The following BRIP1 variants were observed in gnomAD, a reference collection of about 807,000 sequenced individuals.
BRIP1 encodes the protein Fanconi anemia group J protein.
In BRIP1, 88 loss-of-function variants were observed where a neutral mutation model predicts 119.7. The ratio of observed to expected loss-of-function variants is 0.74; its 90% CI spans 0.62 to 0.88. The LOEUF is 0.88. Ranked by LOEUF, BRIP1 falls within the 40% of genes least tolerant of loss-of-function variation. BRIP1 has a pLI of 0.00. For synonymous variants in BRIP1, 443 were observed against 496.5 expected, an observed-to-expected ratio of 0.89 and a Z score of 1.43; for missense variants, 1,259 against 1,455.4, an observed-to-expected ratio of 0.87 and a Z score of 2.20.
Position 61,746,089 on chromosome 17 carries a change from T to C in BRIP1, c.2098-1498A>G, listed in dbSNP as rs2077054290. On this transcript the variant is annotated intron_variant, in intron 14 of 19. Transcript: ENST00000259008. The surrounding 1 kb of genome is among the most constrained non-coding windows in gnomAD (Gnocchi z 4.9). ...CAGCAACTGATCAATTTTTATAAGA[T>C]AGTTTATTTCCTCAATTTTACCTTT... Among the ~76,000 whole-genome samples the C allele has an allele frequency of 6.6e-6, 1 of 152,176 alleles. No individual in the cohort carries two copies. The highest frequency in any genetic ancestry group is 1.5e-5 in the Non-Finnish European group (1 of 67,998).
chr17:61,813,375 A>G (rs1052092614), intron 6 of BRIP1, among the ~76,000 whole-genome samples: 51 of 152,164 alleles, frequency 3.4e-4, no homozygotes, highest in African/African-American at 1.1e-3. Context: ...ATTTCTTTAT[A>G]TAGCTCATTC....
In BRIP1 at chr17:61,747,302, G is replaced by A. The variant is rs530331837; in HGVS notation, c.2098-2711C>T. On this transcript the variant is annotated intron_variant, in intron 14 of 19. Coordinates refer to ENST00000259008, the MANE Select transcript of BRIP1 (RefSeq NM_032043.3). ...GAACAAAGTAAATACAAAGTTTGCAGAAGGAAAGAAATATTAAGATTAGAG... is the reference window on the plus strand; with the variant it reads ...GAACAAAGTAAATACAAAGTTTGCAAAAGGAAAGAAATATTAAGATTAGAG... Among the ~76,000 whole-genome samples, 78 of 151,926 alleles carry A rather than the reference G, an allele frequency of 5.1e-4. No individual in the cohort carries two copies. In the South Asian group the frequency reaches 0.016, roughly 30 times the overall value.
At chr17:61,786,137 G>A (rs1473362008) in intron 10 of BRIP1, among the ~76,000 whole-genome samples, 1 of 151,952 alleles carries the variant, frequency 6.6e-6, no homozygotes, top group African/African-American at 2.4e-5. Flanking sequence ...AGTGAAGAGA[G>A]AGAAGAAAGA....
rs570197205 is a variant in BRIP1 at position 61,807,775 on chromosome 17, A to G, written c.918+692T>C. Among the ~76,000 whole-genome samples the G allele has an allele frequency of 4.8e-4, 73 of 152,270 alleles. No individual in the cohort carries two copies. The highest frequency in any genetic ancestry group is 2.9e-3 in the East Asian group (15 of 5,186). ...TTCATACTTGCAACTTCAATTTTAGAGTAAACTAATTATCACACCAGAACA... is the reference window on the plus strand; with the variant it reads ...TTCATACTTGCAACTTCAATTTTAGGGTAAACTAATTATCACACCAGAACA... On this transcript the variant is annotated intron_variant, in intron 7 of 19. Coordinates refer to ENST00000259008, the MANE Select transcript of BRIP1 (RefSeq NM_032043.3). The surrounding 1 kb of genome is among the most constrained non-coding windows in gnomAD (Gnocchi z 4.5).
Position 61,720,709 on chromosome 17 carries a change from T to G in BRIP1, c.2380-4646A>C, listed in dbSNP as rs2061959106. On this transcript the variant is annotated intron_variant, in intron 16 of 19. Transcript: ENST00000259008. This position sits in a 1 kb window ranked among gnomAD's most constrained non-coding sequence, Gnocchi z 4.3. ...AGTTAGTAGTTACTTAGTAGCTGTC[T>G]AGGTCTAATCGAGTGTCATGGTATT... 6.6e-6 allele frequency among the ~76,000 whole-genome samples: 1 copy of G among 152,200 alleles called. No individual in the cohort carries two copies. Among genetic ancestry groups the G allele is most frequent in the African/African-American group, 2.4e-5 (1 of 41,456 alleles).
intron 17 of BRIP1, among the ~76,000 whole-genome samples, chr17:61,707,032 T>A (rs1342633716): frequency 1.1e-5 from 1 of 89,344 alleles, no homozygotes; most frequent in Non-Finnish European, 2.6e-5. Context: ...CCTTTTTAAA[T>A]TTTTTTTTTT....
At position 61,809,732 on chromosome 17, in the gene BRIP1, G is replaced by A. The variant is rs1411660083; in HGVS notation, c.628-975C>T. On this transcript the variant is annotated intron_variant, in intron 6 of 19. Transcript: ENST00000259008. The surrounding 1 kb of genome is among the most constrained non-coding windows in gnomAD (Gnocchi z 5.2). ...AATTTATAGAAGTGGTCATTGATGG[G>A]GAGGGAAAAAAGGTAAATAGCATTG... 6.6e-6 allele frequency among the ~76,000 whole-genome samples: 1 copy of A among 151,990 alleles called. No homozygotes were observed. The highest frequency in any genetic ancestry group is 2.4e-5 in the African/African-American group (1 of 41,404).
intron 6 of BRIP1, among the ~76,000 whole-genome samples, chr17:61,833,892 T>C (rs917035264): frequency 1.3e-5 from 2 of 151,982 alleles, no homozygotes; most frequent in African/African-American, 4.8e-5. Context: ...TGGCTGAACA[T>C]GAAAAGAAAG....
rs369434185 is a variant in BRIP1 at position 61,743,091 on chromosome 17, C to G, written c.2301G>C (p.Glu767Asp). The G allele has an allele frequency of 5.6e-6, 9 of 1,613,822 alleles. No homozygotes were observed. In the East Asian group the frequency reaches 1.8e-4, roughly 32 times the overall value. ...CATTGTCATCTGAGAAATCCAGACC[C>G]TCACTCACTTTACCACGACAAACTG... ...LVAVCRGKVS[E>D]GLDFSDDNAR... Residue 767 changes from glutamate to aspartate, a missense_variant, in exon 16 of 20, where the codon GAG (glutamate) becomes GAC (aspartate). Glu to Asp is a conservative substitution (Grantham distance 45). Transcript: ENST00000259008. The surrounding 1 kb of genome is among the most constrained non-coding windows in gnomAD (Gnocchi z 4.3).
At position 61,699,436 on chromosome 17, in the gene BRIP1, A is replaced by G. The variant is rs1416122405; in HGVS notation, c.2493-5924T>C. Among the ~76,000 whole-genome samples the G allele has an allele frequency of 6.6e-6, 1 of 152,190 alleles. No homozygotes were observed. The highest frequency in any genetic ancestry group is 1.5e-5 in the Non-Finnish European group (1 of 68,038). ...TTTTAATTCTCTTGTCATTTACATTACTATATTTTCTTATTTTTATTAGTG... is the reference window on the plus strand; with the variant it reads ...TTTTAATTCTCTTGTCATTTACATTGCTATATTTTCTTATTTTTATTAGTG... On this transcript the variant is annotated intron_variant, in intron 17 of 19. Transcript: ENST00000259008. The surrounding 1 kb of genome is among the most constrained non-coding windows in gnomAD (Gnocchi z 4.8).
chr17:61,832,953 T>TA lies in BRIP1; in HGVS notation c.627+14147dup, dbSNP rs371840998. 3.9e-3 allele frequency among the ~76,000 whole-genome samples: 577 copies of TA among 149,870 alleles called. 5 individuals are homozygous for TA. The highest frequency in any genetic ancestry group is 0.013 in the African/African-American group (534 of 41,338). On this transcript the variant is annotated intron_variant, in intron 6 of 19. Coordinates refer to ENST00000259008, the MANE Select transcript of BRIP1 (RefSeq NM_032043.3). This position sits in a 1 kb window ranked among gnomAD's most constrained non-coding sequence, Gnocchi z 5.5. The stretch of plus-strand genomic sequence containing the variant: ...AACAACATACTCTTAAATGGCTCAA[T>TA]AAAAAAAGATATTTGGATTGTACTT...
Position 61,828,516 on chromosome 17 carries a change from C to T in BRIP1, c.627+18585G>A, listed in dbSNP as rs1262234515. Among the ~76,000 whole-genome samples, 1 of 151,794 alleles carries T rather than the reference C, an allele frequency of 6.6e-6. No individual in the cohort carries two copies. Among genetic ancestry groups the T allele is most frequent in the African/African-American group, 2.4e-5 (1 of 41,280 alleles). On this transcript the variant is annotated intron_variant, in intron 6 of 19. Transcript: ENST00000259008. This position sits in a 1 kb window ranked among gnomAD's most constrained non-coding sequence, Gnocchi z 4.1. ...AATATGCATAATACCACTGAATTTA[C>T]ACTTAAAAACAGATAAATGGTAAAT... is the stretch of plus-strand genomic sequence containing the variant.
chr17:61,793,801 T>TC lies in BRIP1; in HGVS notation c.1341-73dup. 2 of 1,479,252 alleles carry TC rather than the reference T, an allele frequency of 1.4e-6. No individual in the cohort carries two copies. Among genetic ancestry groups the TC allele is most frequent in the Non-Finnish European group, 1.8e-6 (2 of 1,084,590 alleles). The allele number at this position is 1,479,252 out of a possible 1,614,324, so 91.6% of individuals were successfully genotyped here. A position where few individuals can be genotyped will look rare whatever the true frequency, so the allele number is the denominator to read the frequency against. ...ACACTATTTCAGCAGAACAAGAGAA[T>TC]CATCATTATTGTCATGCGTTGATCT... On this transcript the variant is annotated intron_variant, in intron 9 of 19. Transcript: ENST00000259008. This position sits in a 1 kb window ranked among gnomAD's most constrained non-coding sequence, Gnocchi z 5.2.
rs923390277 is a variant in BRIP1, at chr17:61,846,226, T to G, written c.627+875A>C. ...ATAAATTTAAAAAATTATATACATA[T>G]AGAGAGAGAGAGAGAGAAAAAGAGA... On this transcript the variant is annotated intron_variant, in intron 6 of 19. Coordinates refer to ENST00000259008, the MANE Select transcript of BRIP1 (RefSeq NM_032043.3). The surrounding 1 kb of genome is among the most constrained non-coding windows in gnomAD (Gnocchi z 4.3). Among the ~76,000 whole-genome samples the G allele has an allele frequency of 1.3e-4, 19 of 141,040 alleles. No homozygotes were observed. Among genetic ancestry groups the G allele is most frequent in the South Asian group, 6.6e-4 (3 of 4,536 alleles). The allele number at this position is 141,040 out of a possible 152,430, so 92.5% of individuals were successfully genotyped here. A position where few individuals can be genotyped will look rare whatever the true frequency, so the allele number is the denominator to read the frequency against.
In BRIP1 at chr17:61,803,795, A is replaced by G. The variant is rs1316867058; in HGVS notation, c.919-2321T>C. ...AAGTACATAGGCAATTTGTCAAAAA[A>G]CTACCAAAATTTAAAATTTTACCAT... On this transcript the variant is annotated intron_variant, in intron 7 of 19. Transcript: ENST00000259008. This position sits in a 1 kb window ranked among gnomAD's most constrained non-coding sequence, Gnocchi z 4.3. Among the ~76,000 whole-genome samples the G allele has an allele frequency of 6.6e-6, 1 of 152,200 alleles. No individual in the cohort carries two copies. Among genetic ancestry groups the G allele is most frequent in the Non-Finnish European group, 1.5e-5 (1 of 68,030 alleles).
intron 10 of BRIP1, among the ~76,000 whole-genome samples, chr17:61,788,337 T>C (rs923500100): frequency 3.3e-5 from 5 of 151,926 alleles, no homozygotes; most frequent in Non-Finnish European, 7.4e-5. Context: ...TAGGAAAAAA[T>C]AATGAAGAAC....
intron 6 of BRIP1, among the ~76,000 whole-genome samples, chr17:61,838,306 C>T (rs8081575): frequency 0.08 from 12,082 of 151,918 alleles, 1,503 homozygotes; most frequent in African/African-American, 0.26. Flanking sequence ...GTGATCCGCC[C>T]GCCTCAGCCT....
rs2061355023 is a variant in BRIP1 at position 61,685,956 on chromosome 17, GATGACTTGCTGCTTCCAGTAA to G, written c.2764_2784del (p.Leu923_Leu929del). The G allele has an allele frequency of 6.2e-7, 1 of 1,614,064 alleles. No individual in the cohort carries two copies. Among genetic ancestry groups the G allele is most frequent in the African/African-American group, 1.3e-5 (1 of 75,062 alleles). On this transcript the variant is annotated inframe_deletion, in exon 19 of 20. Transcript: ENST00000259008. ...TCTTCCACAAAATTTTCTGGTGATA[GATGACTTGCTGCTTCCAGTAA>G]ATAAGGTGAGGTACTGTACTTTAAA... is the stretch of plus-strand genomic sequence containing the variant.
chr17:61,800,813 C>T (rs1444347512), intron 8 of BRIP1, among the ~76,000 whole-genome samples: 2 of 152,154 alleles, frequency 1.3e-5, no homozygotes, highest in Admixed American at 6.5e-5. Context: ...AAATTATTCA[C>T]TTTTTGTCTT....
Sources: allele counts gnomAD v4.1 joint callset (sites outside exome capture counted in the v4.1 genomes callset), GRCh38; gene constraint gnomAD v4.1.1; non-coding constraint Gnocchi (gnomAD v3.1); transcripts MANE v1.5; gene names NCBI Gene and HGNC (gene_info 2026-07-23, HGNC 2026-07-21).